Variants in ERCC6L2 observed in about 807,000 individuals in gnomAD.
ERCC6L2 encodes ERCC excision repair 6 like 2.
Under a neutral mutation model 132.0 loss-of-function variants are expected in ERCC6L2, and 77 were observed. The observed-to-expected ratio is 0.58, with a 90% CI of 0.49 to 0.71. ERCC6L2 has a LOEUF of 0.71. Ranked by LOEUF, ERCC6L2 falls within the 30% of genes least tolerant of loss-of-function variation. The probability of loss-of-function intolerance (pLI) is 0.00; values close to 1 mark genes in which losing one functional copy is unlikely to be tolerated. For synonymous variants in ERCC6L2, 583 were observed against 632.4 expected (o/e 0.92, Z 1.17); for missense variants, 1,542 against 1,837.6 (o/e 0.84, Z 2.94).
intron 11 of ERCC6L2, among the ~76,000 whole-genome samples, chr9:95,936,289 G>A (rs966540452): frequency 6.6e-6 from 1 of 152,120 alleles, no homozygotes; most frequent in African/African-American, 2.4e-5. Context: ...AAAGAACTCT[G>A]GGTCCAGGGA....
chr9:95,901,004 G>A (rs1828745496), intron 3 of ERCC6L2, among the ~76,000 whole-genome samples: 1 of 151,562 alleles, frequency 6.6e-6, no homozygotes, highest in Non-Finnish European at 1.5e-5. Context: ...AGCTCAGGAG[G>A]TTGAGGCTGC....
At chr9:96,005,574 A>C (rs2133206361) in intron 18 of ERCC6L2, among the ~76,000 whole-genome samples, 1 of 151,756 alleles carries the variant, frequency 6.6e-6, no homozygotes, top group South Asian at 2.1e-4. Flanking sequence ...ATCTCCAAGG[A>C]GGGAAGAGGT....
intron 7 of ERCC6L2, 57 bp downstream of exon 7, chr9:95,921,372 TAGTGTAAA>T: frequency 7.1e-7 from 1 of 1,405,754 alleles, no homozygotes; most frequent in Non-Finnish European, 9.6e-7. Flanking sequence ...TACTCTCTTC[TAGTGTAAA>T]AGAAAGTAGC....
intron 17 of ERCC6L2, among the ~76,000 whole-genome samples, chr9:95,985,056 A>G (rs947654453): frequency 2.6e-5 from 4 of 152,138 alleles, no homozygotes; most frequent in Admixed American, 1.3e-4. Flanking sequence ...TTCCACTCCA[A>G]TTTGACCCAA....
intron 2 of ERCC6L2, among the ~76,000 whole-genome samples, chr9:95,892,486 T>C (rs1828224585): frequency 6.7e-6 from 1 of 148,916 alleles, no homozygotes; most frequent in South Asian, 2.1e-4. Context: ...AGCGTGGTGG[T>C]GATCTCAGCT....
chr9:95,921,314 A>T lies in ERCC6L2; in HGVS notation c.1298A>T (p.Lys433Met), dbSNP rs561445484. Residue 433 changes from lysine (K) to methionine (M), a missense_variant and splice_region_variant, in exon 7 of 19, where the codon AAG (lysine) becomes ATG (methionine). Around this residue, in one of 4 missense-constraint regions of ERCC6L2, gnomAD observed 945 missense variants for 1,105.2 expected, o/e 0.86. Coordinates refer to ENST00000653738, the MANE Select transcript of ERCC6L2 (RefSeq NM_020207.7). ...SGQKRRNCCY[K>M]TNSHGETVKT... ...CAAAAAAGGAGAAATTGTTGTTATA[A>T]GGCAAGCATTTCAATATATCTTTAT... The T allele has an allele frequency of 1.6e-5, 26 of 1,609,996 alleles. 1 individual carries two copies. In the South Asian group the frequency reaches 2.8e-4, roughly 17 times the overall value.
chr9:96,037,094 G>A (rs1389815893), intron 19 of ERCC6L2, among the ~76,000 whole-genome samples: 3 of 152,094 alleles, frequency 2.0e-5, no homozygotes, highest in Non-Finnish European at 4.4e-5. Context: ...AGACTCAAAA[G>A]GTATAAAGTT....
intron 16 of ERCC6L2, among the ~76,000 whole-genome samples, chr9:95,976,255 G>T (rs2133099541): frequency 6.6e-6 from 1 of 152,052 alleles, no homozygotes; most frequent in East Asian, 1.9e-4. Flanking sequence ...CCTCATCCTT[G>T]TTCTTCCTAT....
At chr9:95,956,124 TTAA>T (rs1371645837) in intron 13 of ERCC6L2, 111 bp downstream of exon 13, 1 of 491,434 alleles carries the variant, frequency 2.0e-6, no homozygotes, top group Non-Finnish European at 3.5e-6. Flanking sequence ...ATTGCGGAAT[TTAA>T]TAAGATTATA....
At chr9:95,933,996 T>C (rs1006504730) in intron 11 of ERCC6L2, among the ~76,000 whole-genome samples, 10 of 152,196 alleles carry the variant, frequency 6.6e-5, no homozygotes, top group African/African-American at 2.4e-4. Context: ...ATTATCATTT[T>C]TCTTCCCCTG....
intron 19 of ERCC6L2, among the ~76,000 whole-genome samples, chr9:96,035,427 A>C (rs1834508142): frequency 6.6e-6 from 1 of 152,148 alleles, no homozygotes; most frequent in South Asian, 2.1e-4. Flanking sequence ...AGGGTAGAGG[A>C]TGGCCAGAGA....
At chr9:96,010,490 C>T (rs533806995) in intron 18 of ERCC6L2, among the ~76,000 whole-genome samples, 28 of 152,274 alleles carry the variant, frequency 1.8e-4, no homozygotes, top group Non-Finnish European at 3.2e-4. Flanking sequence ...CTAAACTTGG[C>T]CTACGGACCC....
chr9:96,019,980 T>A (rs12686457), downstream of ERCC6L2: 1 of 152,062 alleles, frequency 6.6e-6, no homozygotes, highest in Non-Finnish European at 1.5e-5. Flanking sequence ...GGTCAGGAGT[T>A]CCAGACCAGC....
chr9:95,883,964 A>C (rs1827733258), intron 2 of ERCC6L2, among the ~76,000 whole-genome samples: 1 of 152,226 alleles, frequency 6.6e-6, no homozygotes, highest in Admixed American at 6.5e-5. Flanking sequence ...TCTTGCGCAC[A>C]TTTTAGTCTC....
At position 96,009,498 on chromosome 9, in the gene ERCC6L2, T is replaced by C. The variant is rs563829007; in HGVS notation, c.3675-2727T>C. Among the ~76,000 whole-genome samples, 5 of 152,320 alleles carry C rather than the reference T, an allele frequency of 3.3e-5. No homozygotes were observed. The East Asian group carries it at 9.6e-4, about 29-fold the overall frequency. ...TTTAGGTGTGTTCCACCTCCCTTCCTCCAGAAAGAGAGAGGATTTTGAATT... is the reference window on the plus strand; with the variant it reads ...TTTAGGTGTGTTCCACCTCCCTTCCCCCAGAAAGAGAGAGGATTTTGAATT... On this transcript the variant is annotated intron_variant, in intron 18 of 18. Transcript: ENST00000653738.
chr9:95,946,514 C>A (rs544179330), intron 12 of ERCC6L2, among the ~76,000 whole-genome samples: 1 of 151,828 alleles, frequency 6.6e-6, no homozygotes, highest in Non-Finnish European at 1.5e-5. Flanking sequence ...GGTGACAGAG[C>A]GAGACTCCAT....
At chr9:95,947,805 G>A (rs1281188651) in intron 12 of ERCC6L2, among the ~76,000 whole-genome samples, 1 of 152,094 alleles carries the variant, frequency 6.6e-6, no homozygotes, top group African/African-American at 2.4e-5. Flanking sequence ...GAACAACAAA[G>A]CCTGGATAAC....
Position 95,895,249 on chromosome 9 carries a change from T to C in ERCC6L2, c.472-2600T>C, listed in dbSNP as rs377097417. Reference sequence around the variant, plus strand: ...TCTTTATCTGATATGAATATAGCTATATCAATTTTCTTTGATTTTTGTTTA... The same window carrying C: ...TCTTTATCTGATATGAATATAGCTACATCAATTTTCTTTGATTTTTGTTTA... On this transcript the variant is annotated intron_variant, in intron 2 of 18. Transcript: ENST00000653738. Among the ~76,000 whole-genome samples the C allele has an allele frequency of 3.0e-4, 45 of 152,328 alleles. 1 individual carries two copies. The Middle Eastern group carries it at 0.014, about 46-fold the overall frequency.
intron 16 of ERCC6L2, 144 bp downstream of exon 16, chr9:95,973,232 G>A: frequency 2.1e-6 from 1 of 472,190 alleles, no homozygotes; most frequent in Non-Finnish European, 3.5e-6. Context: ...TTGGGTAGCA[G>A]GATAAATGGG....
Sources: gnomAD v4.1 joint callset for allele counts (sites outside exome capture counted in the v4.1 genomes callset) on GRCh38, gnomAD v4.1.1 for gene constraint, gnomAD v4.1.1 regional missense constraint, MANE v1.5 for transcripts, NCBI Gene and HGNC (gene_info 2026-07-23, HGNC 2026-07-21) for gene names.